MRPS25: variants seen among roughly 807,000 people sequenced by gnomAD.
MRPS25 encodes small ribosomal subunit protein mS25.
MRPS25 carries 15 observed loss-of-function variants against 17.3 expected under a neutral mutation model. The ratio of observed to expected loss-of-function variants is 0.87; its 90% CI spans 0.58 to 1.34. The LOEUF (loss-of-function observed/expected upper bound fraction) is 1.34. MRPS25 is among the 40% of genes most tolerant of loss of function. The pLI is 0.00. For missense variants in MRPS25, 225 were observed against 218.6 expected, an observed-to-expected ratio of 1.03 and a Z score of -0.19; for synonymous variants, 94 against 83.3, an observed-to-expected ratio of 1.13 and a Z score of -0.70.
intron 2 of MRPS25, among the ~76,000 whole-genome samples, chr3:15,054,616 A>C (rs1372493457): frequency 6.6e-6 from 1 of 152,212 alleles, no homozygotes; most frequent in Non-Finnish European, 1.5e-5. Flanking sequence ...CTAGAGGAGA[A>C]CACAGGAGAA....
rs199503149 is a variant in MRPS25, at chr3:15,053,430, C to T, written c.279G>A (p.Lys93=). The T allele has an allele frequency of 1.4e-4, 221 of 1,614,044 alleles. 1 individual carries two copies. The highest frequency in any genetic ancestry group is 3.3e-4 in the Middle Eastern group (2 of 6,082). Residue 93 remains lysine (K), a synonymous_variant, in exon 3 of 4, where the codon AAG becomes AAA. Transcript: ENST00000253686. ...TGTGCTCCATGATCTCCTTATTGCTCTTGGTCTCCACATCCACCAGGACCT... is the reference window on the plus strand; with the variant it reads ...TGTGCTCCATGATCTCCTTATTGCTTTTGGTCTCCACATCCACCAGGACCT... ...GEQVLVDVET[K]SNKEIMEHIR...
intron 2 of MRPS25, among the ~76,000 whole-genome samples, chr3:15,053,998 T>C (rs1248164194): frequency 1.3e-5 from 2 of 152,186 alleles, no homozygotes; most frequent in Non-Finnish European, 2.9e-5. Flanking sequence ...GGCTCAAACC[T>C]GTAATTCCAG....
intron 2 of MRPS25, among the ~76,000 whole-genome samples, chr3:15,054,531 G>A (rs2042645964): frequency 6.6e-6 from 1 of 152,060 alleles, no homozygotes; most frequent in Non-Finnish European, 1.5e-5. Context: ...AACAGAGCGA[G>A]ACTCAACCTC....
chr3:15,065,089 T>A lies in MRPS25; in HGVS notation c.106A>T (p.Thr36Ser). 6.2e-7 allele frequency: 1 copy of A among 1,605,752 alleles called. No homozygotes were observed. Among genetic ancestry groups the A allele is most frequent in the Non-Finnish European group, 8.5e-7 (1 of 1,176,718 alleles). The change falls in exon 1 of 4, where the codon ACG (threonine) becomes TCG (serine). Residue 36 changes from threonine (T) to serine (S), a missense_variant. Transcript: ENST00000253686. Reference sequence around the variant, plus strand: ...GCGCCCTCGCCCAGCTCCCCATGCGTGTTGTAATTCACTGTCATGACCTTC... The same window carrying A: ...GCGCCCTCGCCCAGCTCCCCATGCGAGTTGTAATTCACTGTCATGACCTTC... ...SVKVMTVNYN[T>S]HGELGEGARK...
intron 1 of MRPS25, among the ~76,000 whole-genome samples, chr3:15,060,528 A>AAAAAG (rs1553583214): frequency 6.6e-6 from 1 of 151,506 alleles, no homozygotes; most frequent in African/African-American, 2.4e-5. Context: ...AAAAAAAAAA[A>AAAAAG]AAAAAAGAAA....
Position 15,065,065 on chromosome 3 carries a change from C to A in MRPS25, c.130G>T (p.Ala44Ser). The change falls in exon 1 of 4, where the codon GCC becomes TCC. Residue 44 changes from alanine to serine, a missense_variant. Transcript: ENST00000253686. ...YNTHGELGEGARKFVFFNIPQ... is the reference protein window; with the variant it reads ...YNTHGELGEGSRKFVFFNIPQ... ...GCGGCCGGGGCTGCGACTGACCTGG[C>A]GCCCTCGCCCAGCTCCCCATGCGTG... 3.8e-6 allele frequency: 6 copies of A among 1,586,332 alleles called. No individual in the cohort carries two copies. The highest frequency in any genetic ancestry group is 5.1e-6 in the Non-Finnish European group (6 of 1,169,182).
At chr3:15,062,235 CG>C (rs565065860) in intron 1 of MRPS25, among the ~76,000 whole-genome samples, 41 of 1,462 alleles carry the variant, frequency 0.028, 19 homozygotes, top group East Asian at 0.067. Context: ...CCCTCTGGCC[CG>C]GGCCAGCCGC....
chr3:15,057,425 C>T (rs1461242418), intron 2 of MRPS25, among the ~76,000 whole-genome samples: 1 of 152,202 alleles, frequency 6.6e-6, no homozygotes, highest in African/African-American at 2.4e-5. Flanking sequence ...CACTGTGGTA[C>T]ATTCACAGAA....
At position 15,050,240 on chromosome 3, in the gene MRPS25, ACT is replaced by A. The variant is rs1211292703; in HGVS notation, c.*2199_*2200del. ...ACACAGGCAGTAACTGCACCACAGG[ACT>A]GCTGCTGTCTCCACACGTCCTTTCA... On this transcript the variant is annotated 3_prime_UTR_variant, in exon 4 of 4. Transcript: ENST00000253686. The A allele has an allele frequency of 9.6e-6, 11 of 1,148,730 alleles. No homozygotes were observed. The highest frequency in any genetic ancestry group is 1.2e-5 in the Non-Finnish European group (11 of 932,890). The allele number at this position is 1,148,730 out of a possible 1,614,324, so 71.2% of individuals were successfully genotyped here. A position where few individuals can be genotyped will look rare whatever the true frequency, so the allele number is the denominator to read the frequency against.
Position 15,050,250 on chromosome 3 carries a change from T to G in MRPS25, c.*2191A>C. On this transcript the variant is annotated 3_prime_UTR_variant, in exon 4 of 4. Transcript: ENST00000253686. ...TAACTGCACCACAGGACTGCTGCTG[T>G]CTCCACACGTCCTTTCAGGGTCTGG... 1 of 1,138,382 alleles carries G rather than the reference T, an allele frequency of 8.8e-7. No individual in the cohort carries two copies. Among genetic ancestry groups the G allele is most frequent in the South Asian group, 2.0e-5 (1 of 50,678 alleles). The allele number at this position is 1,138,382 out of a possible 1,614,324, so 70.5% of individuals were successfully genotyped here. A position where few individuals can be genotyped will look rare whatever the true frequency, so the allele number is the denominator to read the frequency against.
intron 1 of MRPS25, among the ~76,000 whole-genome samples, chr3:15,061,353 T>C (rs913009563): frequency 6.6e-6 from 1 of 152,120 alleles, no homozygotes; most frequent in Non-Finnish European, 1.5e-5. Flanking sequence ...GCGCCTGCGA[T>C]TGCAGGCGCG....
At chr3:15,052,964 C>T (rs2042624800) in intron 3 of MRPS25, among the ~76,000 whole-genome samples, 1 of 152,182 alleles carries the variant, frequency 6.6e-6, no homozygotes, top group African/African-American at 2.4e-5. Flanking sequence ...TTCTCAAAGA[C>T]AGACTTTTTC....
downstream of MRPS25, chr3:15,043,088 T>C: frequency 7.4e-7 from 1 of 1,342,634 alleles, no homozygotes; most frequent in African/African-American, 1.5e-5. Context: ...GGTATTTTGG[T>C]ATGTGCAAAT....
At position 15,049,899 on chromosome 3, in the gene MRPS25, AGAT is replaced by A; in HGVS notation, c.*2539_*2541del. Reference sequence around the variant, plus strand: ...CCTCCTGAGTAACTGGGACCACAGCAGATGATACAGGTTTAGATGGTGCTGCCA... The same window carrying A: ...CCTCCTGAGTAACTGGGACCACAGCAGATACAGGTTTAGATGGTGCTGCCA... On this transcript the variant is annotated 3_prime_UTR_variant, in exon 4 of 4. Transcript: ENST00000253686. 1 of 1,530,398 alleles carries A rather than the reference AGAT, an allele frequency of 6.5e-7. No homozygotes were observed. The highest frequency in any genetic ancestry group is 1.2e-5 in the South Asian group (1 of 83,468). 94.8% of individuals were successfully genotyped at this position (1,530,398 alleles called of 1,614,324 possible).
intron 2 of MRPS25, among the ~76,000 whole-genome samples, chr3:15,055,994 A>C (rs2042667744): frequency 6.6e-6 from 1 of 151,766 alleles, no homozygotes; most frequent in Non-Finnish European, 1.5e-5. Context: ...CGGGCGGATC[A>C]CGAGGTCAGG....
intron 2 of MRPS25, among the ~76,000 whole-genome samples, chr3:15,056,402 A>T (rs1575068861): frequency 6.6e-6 from 1 of 152,246 alleles, no homozygotes; most frequent in African/African-American, 2.4e-5. Context: ...CCACATCCTA[A>T]CCCCCAGAAC....
At chr3:15,047,446 C>A (rs1320969173), downstream of MRPS25, 2 of 152,218 alleles carry the variant, frequency 1.3e-5, no homozygotes, top group Admixed American at 1.3e-4. Context: ...TTAACCTTTT[C>A]ATGCACCTAT....
chr3:15,064,926 G>C (rs1204814230), intron 1 of MRPS25, 135 bp downstream of exon 1: 3 of 1,129,808 alleles, frequency 2.7e-6, no homozygotes, highest in Non-Finnish European at 3.7e-6. Context: ...CTGTAAAATG[G>C]GGGTAACAGC....
In MRPS25 at chr3:15,053,790, C is replaced by T. The variant is rs139515033; in HGVS notation, c.242-323G>A. Among the ~76,000 whole-genome samples the T allele has an allele frequency of 4.8e-3, 726 of 152,210 alleles. 3 individuals are homozygous for T. The highest frequency in any genetic ancestry group is 0.017 in the African/African-American group (694 of 41,536). Reference sequence around the variant, plus strand: ...ATTAAATCAATCCCTATCAAAATCCCAAGCGGTGTTTCTGTAGAAACTTAG... The same window carrying T: ...ATTAAATCAATCCCTATCAAAATCCTAAGCGGTGTTTCTGTAGAAACTTAG... On this transcript the variant is annotated intron_variant, in intron 2 of 3. Transcript: ENST00000253686.
Sources: allele counts gnomAD v4.1 joint callset (sites outside exome capture counted in the v4.1 genomes callset), GRCh38; gene constraint gnomAD v4.1.1; transcripts MANE v1.5; gene names NCBI Gene and HGNC (gene_info 2026-07-23, HGNC 2026-07-21).